PCDH15: variants seen among roughly 807,000 people sequenced by gnomAD.
PCDH15 encodes protocadherin-15.
A neutral mutation model predicts 178.5 loss-of-function variants in PCDH15; 129 were observed. The observed-to-expected ratio is 0.72, with a 90% CI of 0.63 to 0.84. The LOEUF (loss-of-function observed/expected upper bound fraction) is 0.84. Among genes scored for constraint, PCDH15 ranks in the 40% least tolerant of loss-of-function variants. The pLI is 0.00. For missense variants in PCDH15, 2,230 were observed against 2,099.9 expected, an observed-to-expected ratio of 1.06 and a Z score of -1.21; for synonymous variants, 800 against 732.0, an observed-to-expected ratio of 1.09 and a Z score of -1.50.
intron 2 of PCDH15, among the ~76,000 whole-genome samples, chr10:54,633,939 T>G (rs778253219): frequency 6.6e-6 from 1 of 152,104 alleles, no homozygotes; most frequent in Non-Finnish European, 1.5e-5. Context: ...GCCAGAACTT[T>G]TCATGACCCC....
intron 3 of PCDH15, among the ~76,000 whole-genome samples, chr10:54,459,444 T>C (rs1337462629): frequency 6.6e-6 from 1 of 152,072 alleles, no homozygotes; most frequent in East Asian, 1.9e-4. Flanking sequence ...TTTGTTCCTA[T>C]ATAAGTTGTT....
chr10:54,177,704 C>G (rs2133724405), intron 13 of PCDH15, among the ~76,000 whole-genome samples: 1 of 152,236 alleles, frequency 6.6e-6, no homozygotes, highest in African/African-American at 2.4e-5. Flanking sequence ...GGAAAACAAA[C>G]AAGACTGCAA....
At chr10:54,411,942 G>C (rs1953587883) in intron 3 of PCDH15, among the ~76,000 whole-genome samples, 1 of 152,074 alleles carries the variant, frequency 6.6e-6, no homozygotes, top group Non-Finnish European at 1.5e-5. Context: ...AAGGCAACTG[G>C]GGAGTATAGA....
At chr10:55,485,726 T>C (rs975734526) in intron 2 of PCDH15, among the ~76,000 whole-genome samples, 1 of 151,598 alleles carries the variant, frequency 6.6e-6, no homozygotes, top group African/African-American at 2.4e-5. Flanking sequence ...GGAAAAACCA[T>C]ATGGAGGTTC....
chr10:55,245,108 T>A (rs1375953880), intron 1 of PCDH15, among the ~76,000 whole-genome samples: 1 of 152,074 alleles, frequency 6.6e-6, no homozygotes, highest in Non-Finnish European at 1.5e-5. Flanking sequence ...ACAAAGCTGG[T>A]AGTCAAAGAA....
intron 3 of PCDH15, among the ~76,000 whole-genome samples, chr10:54,853,727 T>C (rs544155850): frequency 3.2e-4 from 49 of 152,130 alleles, no homozygotes; most frequent in African/African-American, 1.1e-3. Flanking sequence ...AAAATATTAA[T>C]GGGTATGATG....
intron 21 of PCDH15, among the ~76,000 whole-genome samples, chr10:53,975,901 A>T (rs2090144412): frequency 1.3e-5 from 2 of 152,100 alleles, no homozygotes; most frequent in Admixed American, 1.3e-4. Flanking sequence ...TTATAGTTTT[A>T]TGTCTTAAAT....
chr10:54,404,401 A>T (rs1324738176), intron 3 of PCDH15, among the ~76,000 whole-genome samples: 1 of 152,116 alleles, frequency 6.6e-6, no homozygotes, highest in Non-Finnish European at 1.5e-5. Context: ...GACAAAGCTG[A>T]CAAAAACAAT....
chr10:54,792,478 G>A (rs1951514964), intron 1 of PCDH15, among the ~76,000 whole-genome samples: 1 of 151,958 alleles, frequency 6.6e-6, no homozygotes, highest in Non-Finnish European at 1.5e-5. Context: ...CTGTAAAGGT[G>A]TTTCTGAATG....
chr10:53,850,794 C>A (rs771403001), intron 28 of PCDH15, among the ~76,000 whole-genome samples: 8 of 152,080 alleles, frequency 5.3e-5, no homozygotes, highest in Non-Finnish European at 1.2e-4. Flanking sequence ...ATATCTTCAA[C>A]TCCAACTATA....
chr10:53,845,693 T>C (rs1282271169), intron 28 of PCDH15, among the ~76,000 whole-genome samples: 1 of 151,298 alleles, frequency 6.6e-6, no homozygotes, highest in East Asian at 1.9e-4. Flanking sequence ...AGGTAGAGAG[T>C]AGAATGGTGC....
intron 2 of PCDH15, among the ~76,000 whole-genome samples, chr10:55,584,162 G>A (rs1052691251): frequency 6.6e-6 from 1 of 151,988 alleles, no homozygotes; most frequent in Non-Finnish European, 1.5e-5. Context: ...GGGCTCCACC[G>A]CACCCACCTT....
chr10:54,244,907 A>C (rs2055770307), intron 8 of PCDH15, among the ~76,000 whole-genome samples: 1 of 152,240 alleles, frequency 6.6e-6, no homozygotes, highest in Admixed American at 6.5e-5. Flanking sequence ...TTATTTGTTC[A>C]TAATTTTAGT....
intron 1 of PCDH15, among the ~76,000 whole-genome samples, chr10:55,207,991 A>C (rs751969204): frequency 3.0e-4 from 45 of 152,066 alleles, no homozygotes; most frequent in Non-Finnish European, 1.6e-4. Context: ...AACAAACAAA[A>C]AATTAATAGA....
At chr10:54,506,196 C>T (rs1164971037) in intron 3 of PCDH15, among the ~76,000 whole-genome samples, 1 of 151,992 alleles carries the variant, frequency 6.6e-6, no homozygotes, top group South Asian at 2.1e-4. Flanking sequence ...CACATCTGAG[C>T]CACTTGGAAC....
chr10:54,672,551 T>G (rs761296317), intron 1 of PCDH15, among the ~76,000 whole-genome samples: 44 of 152,148 alleles, frequency 2.9e-4, no homozygotes, highest in Non-Finnish European at 5.6e-4. Flanking sequence ...GAAGGACATA[T>G]GCCAGGGAAC....
intron 8 of PCDH15, among the ~76,000 whole-genome samples, chr10:54,296,752 G>A (rs892741476): frequency 6.6e-6 from 1 of 152,056 alleles, no homozygotes; most frequent in Non-Finnish European, 1.5e-5. Flanking sequence ...AGGATATGGG[G>A]AGCCTCAGAA....
intron 2 of PCDH15, among the ~76,000 whole-genome samples, chr10:55,554,755 A>G (rs1185056050): frequency 6.6e-6 from 1 of 152,104 alleles, no homozygotes; most frequent in Non-Finnish European, 1.5e-5. Context: ...ACTAAAGTCC[A>G]TAGTTAATTT....
At chr10:53,958,431 T>C (rs983638323) in intron 23 of PCDH15, among the ~76,000 whole-genome samples, 1 of 152,216 alleles carries the variant, frequency 6.6e-6, no homozygotes, top group Admixed American at 6.5e-5. Context: ...TGTTCAAATA[T>C]AGTTAAGTGT....
Sources: allele counts gnomAD v4.1 joint callset (sites outside exome capture counted in the v4.1 genomes callset), GRCh38; gene constraint gnomAD v4.1.1; transcripts MANE v1.5; gene names NCBI Gene and HGNC (gene_info 2026-07-23, HGNC 2026-07-21).